Variants in DLG2 observed in about 807,000 individuals in gnomAD.
DLG2 encodes the protein discs large MAGUK scaffold protein 2, also known as disks large homolog 2.
In DLG2, 45 loss-of-function variants were observed where a neutral mutation model predicts 132.5. The observed-to-expected ratio is 0.34, with a 90% CI of 0.27 to 0.44. The LOEUF (loss-of-function observed/expected upper bound fraction) is 0.44. DLG2 is among the 20% of genes least tolerant of loss of function. The pLI is 1.00. For synonymous variants in DLG2, 424 were observed against 419.6 expected, an observed-to-expected ratio of 1.01 and a Z score of -0.13; for missense variants, 1,045 against 1,196.9, an observed-to-expected ratio of 0.87 and a Z score of 1.87.
At chr11:83,631,510 CT>C (rs1224629836) in intron 19 of DLG2, 1 of 152,024 alleles carries the variant, frequency 6.6e-6, no homozygotes, top group Non-Finnish European at 1.5e-5. Context: ...TACTCTAAGT[CT>C]TTGTCTCTTC....
chr11:85,387,806 G>GA (rs1211737147), intron 3 of DLG2, among the ~76,000 whole-genome samples: 1 of 152,250 alleles, frequency 6.6e-6, no homozygotes, highest in African/African-American at 2.4e-5. Flanking sequence ...ATCTAGAGGG[G>GA]AAAAAATGGC....
intron 9 of DLG2, among the ~76,000 whole-genome samples, chr11:84,111,490 T>G (rs1167743221): frequency 1.3e-5 from 2 of 152,224 alleles, no homozygotes; most frequent in Admixed American, 1.3e-4. Flanking sequence ...TCTCTCAATC[T>G]AATGCCCATT....
chr11:85,176,847 A>G (rs187168345), intron 4 of DLG2, among the ~76,000 whole-genome samples: 108 of 152,312 alleles, frequency 7.1e-4, no homozygotes, highest in African/African-American at 2.4e-3. Context: ...GCCAACAAAT[A>G]TATGAAAAAA....
At chr11:83,997,765 A>G (rs1163011139) in intron 11 of DLG2, among the ~76,000 whole-genome samples, 1 of 114,762 alleles carries the variant, frequency 8.7e-6, no homozygotes, top group Non-Finnish European at 1.9e-5. Flanking sequence ...AAAAAAAAAA[A>G]AAAGGTGTGC....
rs201665564 is a variant in DLG2, at chr11:83,786,716, G to A, written c.1799C>T (p.Thr600Met). Residue 600 changes from threonine (T) to methionine (M), a missense_variant, in exon 18 of 28, where the codon ACG (threonine) becomes ATG (methionine). By Grantham distance (81) the Thr-to-Met change is moderately conservative. Around this residue, in one of 4 missense-constraint regions of DLG2, gnomAD observed 398 missense variants for 543.6 expected, o/e 0.73. Transcript: ENST00000376104. ...TTCAGGTTGATATTGTGCTATAATC[G>A]TCACTGTCTGTCCAGCCCCCTTTAG... The part of the protein sequence containing the change: ...AALKGAGQTV[T>M]IIAQYQPEDY... 7.1e-5 allele frequency: 114 copies of A among 1,613,968 alleles called. No homozygotes were observed. The highest frequency in any genetic ancestry group is 8.6e-5 in the Non-Finnish European group (102 of 1,179,952).
chr11:84,508,307 T>C (rs191447863), intron 7 of DLG2, among the ~76,000 whole-genome samples: 1 of 152,200 alleles, frequency 6.6e-6, no homozygotes, highest in African/African-American at 2.4e-5. Flanking sequence ...TTATTACCTG[T>C]TGTCTTTCAT....
intron 4 of DLG2, among the ~76,000 whole-genome samples, chr11:85,231,962 C>T (rs926181551): frequency 6.6e-6 from 1 of 151,820 alleles, no homozygotes; most frequent in African/African-American, 2.4e-5. Flanking sequence ...TATTGTTCAA[C>T]AAGACTAGGC....
At chr11:83,643,865 T>G (rs1418131721) in intron 18 of DLG2, among the ~76,000 whole-genome samples, 1 of 152,006 alleles carries the variant, frequency 6.6e-6, no homozygotes, top group Non-Finnish European at 1.5e-5. Context: ...CCTACATTGA[T>G]TCTAGACTTT....
In DLG2 at chr11:85,466,422, T is replaced by A. The variant is rs372016877; in HGVS notation, c.40+132235A>T. On this transcript the variant is annotated intron_variant, in intron 3 of 27. Coordinates refer to ENST00000376104, the MANE Select transcript of DLG2 (RefSeq NM_001142699.3). The stretch of plus-strand genomic sequence containing the variant: ...CTGAATGGTATTGCCTAGGTATTCT[T>A]CTAAGGTTTTATGGTTTTAGGTCTA... Among the ~76,000 whole-genome samples the A allele has an allele frequency of 7.2e-5, 11 of 152,340 alleles. No homozygotes were observed. In the East Asian group the frequency reaches 2.1e-3, roughly 29 times the overall value.
intron 15 of DLG2, among the ~76,000 whole-genome samples, chr11:83,919,872 T>A (rs2077549470): frequency 6.6e-6 from 1 of 152,248 alleles, no homozygotes; most frequent in South Asian, 2.1e-4. Context: ...AAACAGAGCA[T>A]GAATTAGATG....
intron 6 of DLG2, among the ~76,000 whole-genome samples, chr11:85,051,488 G>A (rs1342483547): frequency 5.3e-5 from 8 of 152,142 alleles, no homozygotes; most frequent in South Asian, 4.1e-4. Context: ...GTTTAACTAC[G>A]TGCCAAGCAC....
intron 18 of DLG2, among the ~76,000 whole-genome samples, chr11:83,721,595 C>T (rs559737514): frequency 6.6e-6 from 1 of 152,276 alleles, no homozygotes; most frequent in African/African-American, 2.4e-5. Flanking sequence ...GATAAATCCA[C>T]AGACATTTTA....
intron 8 of DLG2, among the ~76,000 whole-genome samples, chr11:84,224,489 T>C (rs75078285): frequency 3.9e-5 from 6 of 152,224 alleles, no homozygotes; most frequent in Non-Finnish European, 7.3e-5. Context: ...TTCCTAGGAA[T>C]TGGCTGGGGA....
chr11:85,357,238 T>TGTG (rs2083772506), intron 3 of DLG2, among the ~76,000 whole-genome samples: 1 of 118,128 alleles, frequency 8.5e-6, no homozygotes, highest in Non-Finnish European at 1.8e-5. Context: ...AATATCCTCT[T>TGTG]TGTGTGTGTG....
At chr11:85,412,760 C>CACACACACACACACATATATATATAT (rs756868795) in intron 3 of DLG2, among the ~76,000 whole-genome samples, 2 of 113,242 alleles carry the variant, frequency 1.8e-5, no homozygotes, top group Non-Finnish European at 3.5e-5. Flanking sequence ...CACACACACA[C>CACACACACACACACATATATATATAT]ATATATATAT....
intron 8 of DLG2, among the ~76,000 whole-genome samples, chr11:84,242,712 G>A (rs1219677555): frequency 6.6e-6 from 1 of 152,040 alleles, no homozygotes; most frequent in Non-Finnish European, 1.5e-5. Flanking sequence ...GGCCAAAATA[G>A]GAATTTTATA....
intron 4 of DLG2, among the ~76,000 whole-genome samples, chr11:85,195,441 G>A (rs1482160484): frequency 6.6e-6 from 1 of 151,808 alleles, no homozygotes; most frequent in Non-Finnish European, 1.5e-5. Context: ...TGAAAAGGAG[G>A]GACCCTGAAG....
intron 7 of DLG2, among the ~76,000 whole-genome samples, chr11:84,423,688 G>A (rs555597292): frequency 6.6e-6 from 1 of 152,074 alleles, no homozygotes; most frequent in African/African-American, 2.4e-5. Context: ...TTTATAGATT[G>A]TTTAGATTAT....
chr11:84,144,896 T>C (rs2095015443), intron 9 of DLG2, among the ~76,000 whole-genome samples: 1 of 152,158 alleles, frequency 6.6e-6, no homozygotes, highest in African/African-American at 2.4e-5. Flanking sequence ...CAGTTGCAAA[T>C]AGCAAAATTT....
Sources: gnomAD v4.1 joint callset for allele counts (sites outside exome capture counted in the v4.1 genomes callset) on GRCh38, gnomAD v4.1.1 for gene constraint, gnomAD v4.1.1 regional missense constraint, MANE v1.5 for transcripts, NCBI Gene and HGNC (gene_info 2026-07-23, HGNC 2026-07-21) for gene names.